Variants in KIAA1328 observed in about 807,000 individuals in gnomAD.
The protein encoded by KIAA1328 is KIAA1328.
A neutral mutation model predicts 68.1 loss-of-function variants in KIAA1328; 52 were observed. The observed-to-expected ratio is 0.76, with a 90% CI of 0.61 to 0.96. The LOEUF (loss-of-function observed/expected upper bound fraction) is 0.96. Ranked by LOEUF, KIAA1328 falls within the 40% of genes least tolerant of loss-of-function variation. The pLI is 0.00. For missense variants in KIAA1328, 641 were observed against 677.6 expected (o/e 0.95, Z 0.60); for synonymous variants, 232 against 239.4 (o/e 0.97, Z 0.28).
Position 37,222,925 on chromosome 18 carries a change from C to T in KIAA1328, c.*698C>T. 1.0e-6 allele frequency: 1 copy of T among 985,664 alleles called. No homozygotes were observed. Among genetic ancestry groups the T allele is most frequent in the Non-Finnish European group, 1.2e-6 (1 of 830,168 alleles). 61.1% of individuals were successfully genotyped at this position (985,664 alleles called of 1,614,324 possible). On this transcript the variant is annotated 3_prime_UTR_variant, in exon 10 of 10. Coordinates refer to ENST00000280020, the MANE Select transcript of KIAA1328 (RefSeq NM_020776.3). The stretch of plus-strand genomic sequence containing the variant: ...GGGAGTGATTAGTCCTGGGGAAATT[C>T]AGTGGAGGCACAAGCCTGAAGCACT...
chr18:36,845,593 T>C (rs1040831042), intron 4 of KIAA1328, among the ~76,000 whole-genome samples: 1 of 151,578 alleles, frequency 6.6e-6, no homozygotes, highest in African/African-American at 2.4e-5. Flanking sequence ...ATTTGACAAC[T>C]CATATACAGA....
At chr18:37,029,874 A>G (rs1290753698) in intron 6 of KIAA1328, among the ~76,000 whole-genome samples, 1 of 152,082 alleles carries the variant, frequency 6.6e-6, no homozygotes, top group African/African-American at 2.4e-5. Context: ...TTTAATTACT[A>G]TGTCAATTTC....
chr18:37,063,339 G>A (rs973494895), intron 6 of KIAA1328, among the ~76,000 whole-genome samples: 96 of 152,188 alleles, frequency 6.3e-4, no homozygotes, highest in African/African-American at 2.2e-3. Context: ...TGGGGTGGGG[G>A]ATGAGGGAGC....
intron 6 of KIAA1328, among the ~76,000 whole-genome samples, chr18:36,959,984 A>G (rs919381310): frequency 1.3e-5 from 2 of 152,226 alleles, no homozygotes; most frequent in Non-Finnish European, 2.9e-5. Context: ...GAATGCTCAG[A>G]ACCCTGCCAG....
chr18:37,006,540 T>G (rs531818332), intron 6 of KIAA1328, among the ~76,000 whole-genome samples: 1 of 152,234 alleles, frequency 6.6e-6, no homozygotes, highest in East Asian at 1.9e-4. Context: ...TTTTTTATTA[T>G]TATACTTTAA....
At chr18:37,153,019 A>G (rs1398221182) in intron 7 of KIAA1328, among the ~76,000 whole-genome samples, 1 of 152,164 alleles carries the variant, frequency 6.6e-6, no homozygotes, top group African/African-American at 2.4e-5. Flanking sequence ...CAGTAAAGGA[A>G]CAGGCAACAT....
At chr18:37,189,063 G>A (rs1399750618) in intron 9 of KIAA1328, among the ~76,000 whole-genome samples, 2 of 152,114 alleles carry the variant, frequency 1.3e-5, no homozygotes, top group African/African-American at 4.8e-5. Context: ...GAAAAAAAAC[G>A]AATTCTTTTC....
chr18:37,031,474 A>G (rs981140318), intron 6 of KIAA1328, among the ~76,000 whole-genome samples: 3 of 152,202 alleles, frequency 2.0e-5, no homozygotes, highest in African/African-American at 7.2e-5. Flanking sequence ...TGTTATTAAT[A>G]TAGCCACTTC....
At chr18:37,108,634 A>G (rs2057841065) in intron 7 of KIAA1328, among the ~76,000 whole-genome samples, 1 of 152,234 alleles carries the variant, frequency 6.6e-6, no homozygotes, top group African/African-American at 2.4e-5. Flanking sequence ...TGGTTAACAC[A>G]TCACCAGTCT....
rs951041286 is a variant in KIAA1328, at chr18:36,836,705, G to C, written c.237+1329G>C. 4.6e-5 allele frequency among the ~76,000 whole-genome samples: 7 copies of C among 151,936 alleles called. 1 individual carries two copies. The highest frequency in any genetic ancestry group is 1.0e-4 in the Non-Finnish European group (7 of 67,954). On this transcript the variant is annotated intron_variant, in intron 3 of 9. Transcript: ENST00000280020. ...GATTTTGTATGTGTTTATATTCACA[G>C]AGTTGTGGATCCATCACCACAATCT...
chr18:37,218,575 C>T (rs2060493605), intron 9 of KIAA1328, among the ~76,000 whole-genome samples: 1 of 152,232 alleles, frequency 6.6e-6, no homozygotes, highest in Non-Finnish European at 1.5e-5. Context: ...TCTTCAGTCA[C>T]TGATACCCTT....
At chr18:36,926,099 G>C (rs886883344) in intron 5 of KIAA1328, among the ~76,000 whole-genome samples, 2 of 151,872 alleles carry the variant, frequency 1.3e-5, no homozygotes, top group Non-Finnish European at 2.9e-5. Flanking sequence ...TTCATGTTTA[G>C]TTTACTATGA....
At chr18:36,923,601 G>A (rs1188532563) in intron 5 of KIAA1328, among the ~76,000 whole-genome samples, 1 of 152,154 alleles carries the variant, frequency 6.6e-6, no homozygotes, top group Non-Finnish European at 1.5e-5. Flanking sequence ...TGTATTTGTA[G>A]TTAAAAACCA....
intron 7 of KIAA1328, among the ~76,000 whole-genome samples, chr18:37,090,109 G>A (rs1206305000): frequency 6.6e-6 from 1 of 152,132 alleles, no homozygotes; most frequent in Non-Finnish European, 1.5e-5. Context: ...GAAATAAATT[G>A]CAATTAGATT....
chr18:36,893,204 C>T (rs1223680228), intron 5 of KIAA1328, among the ~76,000 whole-genome samples: 1 of 152,096 alleles, frequency 6.6e-6, no homozygotes, highest in African/African-American at 2.4e-5. Flanking sequence ...AAATGAGGCA[C>T]TCCTCACCCA....
intron 4 of KIAA1328, among the ~76,000 whole-genome samples, chr18:36,866,756 T>G (rs549375467): frequency 1.3e-5 from 2 of 152,318 alleles, no homozygotes; most frequent in South Asian, 4.1e-4. Context: ...TGTTTTGATT[T>G]ACATCTTTTC....
chr18:36,973,797 T>C (rs137910583), intron 6 of KIAA1328, among the ~76,000 whole-genome samples: 1 of 118,584 alleles, frequency 8.4e-6, no homozygotes, highest in African/African-American at 2.9e-5. Context: ...TTATATATAA[T>C]TGTGTGTACG....
chr18:37,132,863 G>A (rs1038670492), intron 7 of KIAA1328, among the ~76,000 whole-genome samples: 4 of 152,132 alleles, frequency 2.6e-5, no homozygotes, highest in African/African-American at 9.7e-5. Flanking sequence ...GTGGGTGAAG[G>A]TGAAATAAAC....
intron 4 of KIAA1328, among the ~76,000 whole-genome samples, chr18:36,851,690 ATTTTC>A (rs2047217273): frequency 6.8e-6 from 1 of 147,464 alleles, no homozygotes; most frequent in Non-Finnish European, 1.5e-5. Context: ...ATTATCTCTT[ATTTTC>A]TTCATAAGCC....
Sources: gnomAD v4.1 joint callset for allele counts (sites outside exome capture counted in the v4.1 genomes callset) on GRCh38, gnomAD v4.1.1 for gene constraint, MANE v1.5 for transcripts, NCBI Gene and HGNC (gene_info 2026-07-23, HGNC 2026-07-21) for gene names.